FBXO11: variants seen among roughly 807,000 people sequenced by gnomAD.
FBXO11 encodes the protein F-box only protein 11.
A neutral mutation model predicts 117.0 loss-of-function variants in FBXO11; 13 were observed. The ratio of observed to expected loss-of-function variants is 0.11; its 90% CI spans 0.07 to 0.18. The LOEUF is 0.18. Ranked by LOEUF, FBXO11 falls within the 10% of genes least tolerant of loss-of-function variation. The pLI is 1.00. For missense variants in FBXO11, 767 were observed against 1,164.4 expected (o/e 0.66, Z 4.97); for synonymous variants, 490 against 380.5 (o/e 1.29, Z -3.35).
chr2:47,878,058 A>G (rs1005778911), intron 1 of FBXO11, among the ~76,000 whole-genome samples: 12 of 152,198 alleles, frequency 7.9e-5, no homozygotes, highest in Non-Finnish European at 7.3e-5. Flanking sequence ...AGGTAGGCCC[A>G]GCTTTTACCC....
chr2:47,843,734 GCTTCTT>G (rs200411440), intron 1 of FBXO11, among the ~76,000 whole-genome samples: 52 of 151,386 alleles, frequency 3.4e-4, no homozygotes, highest in Middle Eastern at 3.4e-3. Context: ...ATTTGCTGCT[GCTTCTT>G]CTTCTTCTTC....
chr2:47,810,579 T>C, intron 18 of FBXO11, 153 bp from the exon 19 acceptor site: 1 of 546,322 alleles, frequency 1.8e-6, no homozygotes, highest in Non-Finnish European at 3.2e-6. Flanking sequence ...TATTAGCAAT[T>C]CAGAGGTATT....
chr2:47,886,119 G>A (rs1490755135), intron 1 of FBXO11, among the ~76,000 whole-genome samples: 1 of 151,364 alleles, frequency 6.6e-6, no homozygotes, highest in Non-Finnish European at 1.5e-5. Flanking sequence ...TCATCAAAAT[G>A]TATAATCAAA....
chr2:47,858,697 A>G (rs999249975), intron 1 of FBXO11, among the ~76,000 whole-genome samples: 7 of 150,706 alleles, frequency 4.6e-5, no homozygotes, highest in East Asian at 3.9e-4. Context: ...AAAAAAAAAA[A>G]AAAGAAAAGA....
intron 21 of FBXO11, chr2:47,808,665 C>A: frequency 2.5e-6 from 1 of 403,550 alleles, no homozygotes; most frequent in Non-Finnish European, 4.4e-6. Flanking sequence ...GTTCTTTCCA[C>A]TTTAAAAGCC....
At chr2:47,828,993 C>A (rs1057167593) in intron 11 of FBXO11, among the ~76,000 whole-genome samples, 9 of 151,776 alleles carry the variant, frequency 5.9e-5, no homozygotes, top group African/African-American at 2.2e-4. Context: ...TGGGTCACTG[C>A]AACCTCCACC....
chr2:47,875,387 C>T (rs1313406012), intron 1 of FBXO11, among the ~76,000 whole-genome samples: 4 of 151,850 alleles, frequency 2.6e-5, no homozygotes, highest in Non-Finnish European at 5.9e-5. Context: ...TTTTTTTATA[C>T]GTTTTTGAAG....
chr2:47,815,734 AG>A (rs1209377407), intron 16 of FBXO11, among the ~76,000 whole-genome samples: 1 of 152,220 alleles, frequency 6.6e-6, no homozygotes, highest in Non-Finnish European at 1.5e-5. Flanking sequence ...TCTTCAGCTG[AG>A]GGCGTAAGAA....
chr2:47,863,504 T>TAC lies in FBXO11; in HGVS notation c.233-23737_233-23736dup, dbSNP rs369258861. Among the ~76,000 whole-genome samples the TAC allele has an allele frequency of 3.0e-3, 460 of 152,346 alleles. 2 individuals are homozygous for TAC. Among genetic ancestry groups the TAC allele is most frequent in the African/African-American group, 0.01 (426 of 41,580 alleles). ...TAAACTCTTCTTTAAAGAAAGGGTC[T>TAC]ACAGACAGCTCCTAATTTATGAAGT... On this transcript the variant is annotated intron_variant, in intron 1 of 22. Coordinates refer to ENST00000403359, the MANE Select transcript of FBXO11 (RefSeq NM_001190274.2).
At chr2:47,862,922 G>A (rs902128628) in intron 1 of FBXO11, among the ~76,000 whole-genome samples, 1 of 151,890 alleles carries the variant, frequency 6.6e-6, no homozygotes, top group Non-Finnish European at 1.5e-5. Flanking sequence ...GGGTGTGGTG[G>A]CGCATGCTTG....
At chr2:47,859,701 C>G (rs1674602675) in intron 1 of FBXO11, among the ~76,000 whole-genome samples, 1 of 152,190 alleles carries the variant, frequency 6.6e-6, no homozygotes, top group Admixed American at 6.5e-5. Context: ...AGCACTGAAA[C>G]AGAATTTTAA....
intron 12 of FBXO11, among the ~76,000 whole-genome samples, chr2:47,822,729 T>C (rs551563670): frequency 1.3e-5 from 2 of 152,232 alleles, no homozygotes; most frequent in Non-Finnish European, 2.9e-5. Flanking sequence ...TTTGACTTTT[T>C]GATAATTTTA....
In FBXO11 at chr2:47,861,494, A is replaced by T. The variant is rs1045041944; in HGVS notation, c.233-21725T>A. 5.3e-5 allele frequency among the ~76,000 whole-genome samples: 8 copies of T among 151,808 alleles called. No homozygotes were observed. The East Asian group carries it at 9.7e-4, about 18-fold the overall frequency. Reference sequence around the variant, plus strand: ...CCACCATGCCCAGCTAATTAAAAAAATTTTTTTTGGAGAGATGGTGTCTTG... The same window carrying T: ...CCACCATGCCCAGCTAATTAAAAAATTTTTTTTTGGAGAGATGGTGTCTTG... On this transcript the variant is annotated intron_variant, in intron 1 of 22. Coordinates refer to ENST00000403359, the MANE Select transcript of FBXO11 (RefSeq NM_001190274.2).
intron 16 of FBXO11, 49 bp downstream of exon 16, chr2:47,818,730 C>T (rs751112013): frequency 7.4e-7 from 1 of 1,343,964 alleles, no homozygotes; most frequent in South Asian, 1.4e-5. Context: ...ACACACCCCA[C>T]ATACTCCTAA....
In FBXO11 at chr2:47,836,016, G is replaced by T; in HGVS notation, c.588-15C>A. 6.5e-7 allele frequency: 1 copy of T among 1,545,844 alleles called. No homozygotes were observed. Among genetic ancestry groups the T allele is most frequent in the South Asian group, 1.2e-5 (1 of 80,914 alleles). ...ATAATCGTTTCCTGAACAGAGAAAG[G>T]AATTAAAATTTTCTTGATAAAATGT... On this transcript the variant is annotated splice_polypyrimidine_tract_variant and intron_variant, in intron 4 of 22. Transcript: ENST00000403359.
intron 1 of FBXO11, among the ~76,000 whole-genome samples, chr2:47,861,587 G>A (rs577386106): frequency 6.6e-6 from 1 of 152,216 alleles, no homozygotes; most frequent in African/African-American, 2.4e-5. Context: ...CTCCTGAAGT[G>A]CTGGGATTAC....
intron 11 of FBXO11, among the ~76,000 whole-genome samples, chr2:47,826,372 T>A (rs1671758407): frequency 6.6e-6 from 1 of 152,140 alleles, no homozygotes; most frequent in South Asian, 2.1e-4. Flanking sequence ...ACAAGTTTTT[T>A]AAGGCAAATA....
chr2:47,829,568 A>G (rs1358826734), intron 11 of FBXO11, among the ~76,000 whole-genome samples: 1 of 152,174 alleles, frequency 6.6e-6, no homozygotes, highest in Non-Finnish European at 1.5e-5. Context: ...TTATTTTACA[A>G]AAGTAACAAC....
intron 14 of FBXO11, 137 bp from the exon 15 acceptor site, chr2:47,819,215 CTTTT>C: frequency 1.3e-6 from 1 of 777,488 alleles, no homozygotes; most frequent in Non-Finnish European, 2.0e-6. Context: ...TGGCAATATT[CTTTT>C]GTTTTGTTTT....
Sources: gnomAD v4.1 joint callset for allele counts (sites outside exome capture counted in the v4.1 genomes callset) on GRCh38, gnomAD v4.1.1 for gene constraint, MANE v1.5 for transcripts, NCBI Gene and HGNC (gene_info 2026-07-23, HGNC 2026-07-21) for gene names.